The following GLIS1 variants were observed in gnomAD, a reference collection of about 807,000 sequenced individuals.
GLIS1 encodes the protein GLIS family zinc finger 1.
A neutral mutation model predicts 63.8 loss-of-function variants in GLIS1; 24 were observed. That is an observed-to-expected ratio of 0.38 (90% CI 0.27 to 0.53). The LOEUF (loss-of-function observed/expected upper bound fraction) is 0.53, where lower values mean the gene tolerates loss of function less well. GLIS1 is among the 20% of genes least tolerant of loss of function. The probability of loss-of-function intolerance (pLI) is 0.85; values close to 1 mark genes in which losing one functional copy is unlikely to be tolerated. For synonymous variants in GLIS1, 450 were observed against 482.5 expected (o/e 0.93, Z 0.88); for missense variants, 1,036 against 1,074.1 (o/e 0.96, Z 0.50).
chr1:53,723,806 T>A (rs1646779909), intron 2 of GLIS1, among the ~76,000 whole-genome samples: 1 of 152,184 alleles, frequency 6.6e-6, no homozygotes, highest in African/African-American at 2.4e-5. Context: ...GTCAGCCACT[T>A]CCCAAAGAAG....
intron 4 of GLIS1, among the ~76,000 whole-genome samples, chr1:53,538,353 A>G (rs1367143569): frequency 2.0e-5 from 3 of 152,214 alleles, no homozygotes; most frequent in African/African-American, 7.2e-5. Flanking sequence ...AACAGCAGCT[A>G]TCACATTGAC....
At position 53,598,573 on chromosome 1, in the gene GLIS1, A is replaced by G. The variant is rs1000371110; in HGVS notation, c.437+1528T>C. Among the ~76,000 whole-genome samples, 10 of 151,790 alleles carry G rather than the reference A, an allele frequency of 6.6e-5. No homozygotes were observed. The highest frequency in any genetic ancestry group is 1.5e-4 in the Non-Finnish European group (10 of 67,984). The stretch of plus-strand genomic sequence containing the variant: ...GAGGAATTAGGGCACAGGCCGAGGG[A>G]TGGCCACGTGAGTACTCAGCGACAA... On this transcript the variant is annotated intron_variant, in intron 3 of 10. Coordinates refer to ENST00000628545, the MANE Select transcript of GLIS1 (RefSeq NM_001367484.1). The surrounding 1 kb of genome is among the most constrained non-coding windows in gnomAD (Gnocchi z 4.6).
Position 53,709,421 on chromosome 1 carries a change from C to CATATAT in GLIS1, c.259+28384_259+28385insATATAT, listed in dbSNP as rs749053965. 2.8e-4 allele frequency among the ~76,000 whole-genome samples: 12 copies of CATATAT among 42,442 alleles called. No individual in the cohort carries two copies. In the South Asian group the frequency reaches 7.0e-3, roughly 25 times the overall value. 27.8% of individuals were successfully genotyped at this position (42,442 alleles called of 152,430 possible). On this transcript the variant is annotated intron_variant, in intron 2 of 10. Transcript: ENST00000628545. ...ATATACATATATATATACACACACA[C>CATATAT]ACACACACACACACACACACACTTG...
chr1:53,716,105 T>C (rs989971555), intron 2 of GLIS1, among the ~76,000 whole-genome samples: 24 of 152,060 alleles, frequency 1.6e-4, no homozygotes, highest in African/African-American at 5.8e-4. Context: ...AGGAGAGGCA[T>C]TGCCAGCTCC....
At chr1:53,579,522 A>G (rs1304683191) in intron 4 of GLIS1, among the ~76,000 whole-genome samples, 4 of 152,244 alleles carry the variant, frequency 2.6e-5, no homozygotes, top group Non-Finnish European at 5.9e-5. Flanking sequence ...CTGGGTTCAC[A>G]ATATGGAGAC....
intron 6 of GLIS1, among the ~76,000 whole-genome samples, chr1:53,523,536 C>T (rs1644433093): frequency 6.6e-6 from 1 of 152,160 alleles, no homozygotes; most frequent in African/African-American, 2.4e-5. Flanking sequence ...ATGCGATCTT[C>T]CCACTCTGTC....
At chr1:53,569,031 T>A (rs1644959911) in intron 4 of GLIS1, among the ~76,000 whole-genome samples, 1 of 152,154 alleles carries the variant, frequency 6.6e-6, no homozygotes, top group African/African-American at 2.4e-5. Context: ...TAAATGCATA[T>A]TACTAAATGA....
At chr1:53,672,946 G>A (rs1232589894) in intron 2 of GLIS1, among the ~76,000 whole-genome samples, 1 of 152,198 alleles carries the variant, frequency 6.6e-6, no homozygotes, top group East Asian at 1.9e-4. Context: ...AGGCAGCGTG[G>A]GCCCTCCCCT....
chr1:53,725,151 A>G (rs1369580912), intron 2 of GLIS1, among the ~76,000 whole-genome samples: 4 of 152,154 alleles, frequency 2.6e-5, no homozygotes, highest in Non-Finnish European at 5.9e-5. Flanking sequence ...GTTGGCCTGT[A>G]TTGCCTGAGA....
At chr1:53,704,773 A>G (rs975085919) in intron 2 of GLIS1, among the ~76,000 whole-genome samples, 12 of 152,184 alleles carry the variant, frequency 7.9e-5, no homozygotes, top group African/African-American at 2.9e-4. Context: ...GGGGCAAGTC[A>G]CTTCCTCTCC....
chr1:53,545,027 C>T (rs1018983238), intron 4 of GLIS1, among the ~76,000 whole-genome samples: 1 of 152,220 alleles, frequency 6.6e-6, no homozygotes, highest in Non-Finnish European at 1.5e-5. Context: ...GCCCCTGGAT[C>T]CTTAGGGCAG....
At chr1:53,699,212 G>A (rs977160083) in intron 2 of GLIS1, among the ~76,000 whole-genome samples, 5 of 151,860 alleles carry the variant, frequency 3.3e-5, no homozygotes. Context: ...CTACAGGCAC[G>A]CACCAACACG....
At chr1:53,609,266 C>CTTTTTTTTTTTTTTTTTTTTT (rs1221426769) in intron 2 of GLIS1, among the ~76,000 whole-genome samples, 1 of 81,378 alleles carries the variant, frequency 1.2e-5, no homozygotes, top group Non-Finnish European at 2.1e-5. Context: ...GGGTTTAAAT[C>CTTTTTTTTTTTTTTTTTTTTT]TTTTTTTTTT....
intron 6 of GLIS1, among the ~76,000 whole-genome samples, chr1:53,524,502 C>T (rs1012590531): frequency 3.3e-5 from 5 of 152,206 alleles, no homozygotes; most frequent in Admixed American, 2.0e-4. Context: ...ACACAAGCCG[C>T]GGGAGGTGCA....
At chr1:53,562,869 C>G (rs1276245733) in intron 4 of GLIS1, among the ~76,000 whole-genome samples, 1 of 152,166 alleles carries the variant, frequency 6.6e-6, no homozygotes, top group Non-Finnish European at 1.5e-5. Context: ...CTTCAAATAA[C>G]ACTTTACAGT....
At chr1:53,580,294 C>T (rs1255531283) in intron 4 of GLIS1, among the ~76,000 whole-genome samples, 1 of 152,204 alleles carries the variant, frequency 6.6e-6, no homozygotes, top group Non-Finnish European at 1.5e-5. Context: ...CAAGCCCTCC[C>T]TTTCCCGAGC....
rs1326197915 is a variant in GLIS1 at position 53,506,330 on chromosome 1, C to A, written c.*289G>T. 2 of 434,222 alleles carry A rather than the reference C, an allele frequency of 4.6e-6. No homozygotes were observed. The highest frequency in any genetic ancestry group is 3.7e-5 in the Admixed American group (1 of 26,802). 26.9% of individuals were successfully genotyped at this position (434,222 alleles called of 1,614,324 possible). A position where few individuals can be genotyped will look rare whatever the true frequency, so the allele number is the denominator to read the frequency against. Reference sequence around the variant, plus strand: ...ACAAGTTCTGCATATTTTATATACACGAGGTCTGTGATTTCAAAACCACTG... The same window carrying A: ...ACAAGTTCTGCATATTTTATATACAAGAGGTCTGTGATTTCAAAACCACTG... On this transcript the variant is annotated 3_prime_UTR_variant, in exon 11 of 11. Transcript: ENST00000628545.
In GLIS1 at chr1:53,507,456, C is replaced by G. The variant is rs114476177; in HGVS notation, c.2231-680G>C. On this transcript the variant is annotated intron_variant, in intron 10 of 10. Transcript: ENST00000628545. ...CATGCTGTCTCCAGGGTGGGGCCACCGCTCAGAGGCCCTTGACTTGGGAGG... is the reference window on the plus strand; with the variant it reads ...CATGCTGTCTCCAGGGTGGGGCCACGGCTCAGAGGCCCTTGACTTGGGAGG... 3.5e-3 allele frequency among the ~76,000 whole-genome samples: 531 copies of G among 152,298 alleles called. 1 individual carries two copies. Among genetic ancestry groups the G allele is most frequent in the African/African-American group, 0.012 (490 of 41,562 alleles).
intron 2 of GLIS1, among the ~76,000 whole-genome samples, chr1:53,632,709 G>A (rs1465061999): frequency 6.6e-6 from 1 of 150,974 alleles, no homozygotes; most frequent in Non-Finnish European, 1.5e-5. Context: ...GGGTGTGAAT[G>A]AGTGTGACTG....
Sources: gnomAD v4.1 joint callset for allele counts (sites outside exome capture counted in the v4.1 genomes callset) on GRCh38, gnomAD v4.1.1 for gene constraint, Gnocchi (gnomAD v3.1) non-coding constraint, MANE v1.5 for transcripts, NCBI Gene and HGNC (gene_info 2026-07-23, HGNC 2026-07-21) for gene names.